Variants in BLTP1 observed in about 807,000 individuals in gnomAD.
BLTP1 encodes bridge-like lipid transfer protein family member 1.
chr4:122,273,630 A>G, the BLTP1 span, among the ~76,000 whole-genome samples: 2 of 152,030 alleles, frequency 1.3e-5, no homozygotes, highest in African/African-American at 4.8e-5. Context: ...CTGAAGGTTA[A>G]TTTAATAGCT....
chr4:122,346,882 T>C, the BLTP1 span: 11 of 1,473,452 alleles, frequency 7.5e-6, no homozygotes, highest in Non-Finnish European at 9.9e-6. Context: ...TCAAGAAATG[T>C]CCATTGGGCC....
At chr4:122,352,735 T>C in the BLTP1 span, 1 of 290,708 alleles carries the variant, frequency 3.4e-6, no homozygotes, top group Non-Finnish European at 5.1e-6. Flanking sequence ...GCAGCATCTT[T>C]TCCTAGAATG....
At chr4:122,310,798 C>A in the BLTP1 span, 2 of 220,910 alleles carry the variant, frequency 9.1e-6, no homozygotes, top group Non-Finnish European at 1.5e-5. Context: ...GTGTACTAAA[C>A]CCCATCAAAT....
chr4:122,187,923 A>G, the BLTP1 span: 1 of 1,584,970 alleles, frequency 6.3e-7, no homozygotes, highest in Non-Finnish European at 8.5e-7. Context: ...AATCACTACC[A>G]GCCGCAAACT....
chr4:122,165,649 C>G, the BLTP1 span, among the ~76,000 whole-genome samples: 1 of 128,616 alleles, frequency 7.8e-6, no homozygotes, highest in African/African-American at 2.6e-5. Flanking sequence ...AATCGCCACA[C>G]TGACTTCCAC....
At chr4:122,339,110 T>A in the BLTP1 span, 22 of 1,360,520 alleles carry the variant, frequency 1.6e-5, no homozygotes, top group South Asian at 2.5e-4. Context: ...TTAAAAAAAA[T>A]GTTTCTTAAG....
the BLTP1 span, chr4:122,235,154 A>G: frequency 6.6e-6 from 6 of 906,952 alleles, no homozygotes; most frequent in Admixed American, 2.8e-5. Flanking sequence ...GGTTTAGTAT[A>G]ATCCACCTTT....
the BLTP1 span, chr4:122,192,405 T>G: frequency 5.4e-6 from 8 of 1,471,738 alleles, no homozygotes; most frequent in African/African-American, 8.3e-5. Context: ...ATATTTCTAA[T>G]AAGTTTTTTA....
At chr4:122,167,864 A>G in the BLTP1 span, 171 of 985,318 alleles carry the variant, frequency 1.7e-4, no homozygotes, top group Non-Finnish European at 2.0e-4. Context: ...GGGTAGAGGA[A>G]GAGGAAACAA....
the BLTP1 span, among the ~76,000 whole-genome samples, chr4:122,230,395 C>T: frequency 6.6e-6 from 1 of 152,102 alleles, no homozygotes; most frequent in African/African-American, 2.4e-5. Flanking sequence ...TATATCTTGT[C>T]TCTGGTGATG....
the BLTP1 span, chr4:122,182,739 A>G: frequency 2.0e-6 from 2 of 985,294 alleles, no homozygotes; most frequent in South Asian, 9.4e-5. Flanking sequence ...CTCCATTCAC[A>G]TTCACTGCTC....
the BLTP1 span, chr4:122,182,538 T>C: frequency 1.8e-6 from 1 of 546,152 alleles, no homozygotes; most frequent in Non-Finnish European, 2.3e-6. Context: ...TCCCCTCCGC[T>C]CCACATCTGT....
At chr4:122,230,129 G>C in the BLTP1 span, 2 of 1,614,060 alleles carry the variant, frequency 1.2e-6, no homozygotes, top group Non-Finnish European at 1.7e-6. Context: ...TATTACTGTT[G>C]ATATTGCTTT....
the BLTP1 span, chr4:122,277,585 T>C: frequency 1.0e-6 from 1 of 955,308 alleles, no homozygotes; most frequent in Non-Finnish European, 1.2e-6. Flanking sequence ...ATCGTATCTT[T>C]GCTTTATATC....
the BLTP1 span, chr4:122,156,112 G>C: frequency 3.9e-6 from 1 of 255,112 alleles, no homozygotes; most frequent in Non-Finnish European, 6.2e-6. Context: ...AACATGATTG[G>C]AGGAGATGAG....
chr4:122,156,136 A>G, the BLTP1 span: 1 of 188,718 alleles, frequency 5.3e-6, no homozygotes. Context: ...AGTTTGGTCC[A>G]TTAAATCTGA....
chr4:122,328,126 A>G, the BLTP1 span: 7 of 1,605,352 alleles, frequency 4.4e-6, no homozygotes, highest in Non-Finnish European at 5.1e-6. Context: ...ACAGAACTGG[A>G]CCTTTTGTCA....
At chr4:122,212,139 C>T in the BLTP1 span, 1 of 845,592 alleles carries the variant, frequency 1.2e-6, no homozygotes, top group Non-Finnish European at 1.4e-6. Context: ...TAAAGGCTCT[C>T]TGCAGGAAGT....
chr4:122,154,264 C>T, the BLTP1 span: 1 of 941,586 alleles, frequency 1.1e-6, no homozygotes, highest in African/African-American at 1.8e-5. Context: ...CAAGCTCCAC[C>T]TCCCGGGTTC....
Sources: allele counts gnomAD v4.1 joint callset (sites outside exome capture counted in the v4.1 genomes callset), GRCh38; gene constraint gnomAD v4.1.1; transcripts MANE v1.5; gene names NCBI Gene and HGNC (gene_info 2026-07-23, HGNC 2026-07-21).